Variants in TNR observed in about 807,000 individuals in gnomAD.
TNR encodes the protein tenascin-R.
Under a neutral mutation model 150.4 loss-of-function variants are expected in TNR, and 45 were observed. The observed-to-expected ratio is 0.30, with a 90% CI of 0.24 to 0.38. The LOEUF (loss-of-function observed/expected upper bound fraction) is 0.38, where lower values mean the gene tolerates loss of function less well. Ranked by LOEUF, TNR falls within the 10% of genes least tolerant of loss-of-function variation. TNR has a pLI of 1.00. For synonymous variants in TNR, 687 were observed against 678.4 expected, an observed-to-expected ratio of 1.01 and a Z score of -0.20; for missense variants, 1,544 against 1,759.1, an observed-to-expected ratio of 0.88 and a Z score of 2.19.
intron 1 of TNR, among the ~76,000 whole-genome samples, chr1:175,606,104 A>T (rs1231410285): frequency 6.6e-6 from 1 of 152,186 alleles, no homozygotes; most frequent in Non-Finnish European, 1.5e-5. Flanking sequence ...TTATTTTATG[A>T]CTTACAGGAC....
chr1:175,331,081 CTTTCTT>C (rs1649836260), intron 20 of TNR, among the ~76,000 whole-genome samples: 1 of 91,442 alleles, frequency 1.1e-5, no homozygotes, highest in Non-Finnish European at 2.4e-5. Context: ...TTCTTTCCTT[CTTTCTT>C]TCTTTCTTTC....
At chr1:175,323,735 G>T (rs1323255825) in intron 22 of TNR, among the ~76,000 whole-genome samples, 3 of 152,170 alleles carry the variant, frequency 2.0e-5, no homozygotes, top group African/African-American at 7.2e-5. Context: ...TTTGTTTTTG[G>T]CTTCCAGGAG....
In TNR at chr1:175,347,258, C is replaced by T. The variant is rs1394045508; in HGVS notation, c.3382+7133G>A. On this transcript the variant is annotated intron_variant, in intron 18 of 22. Coordinates refer to ENST00000367674, the MANE Select transcript of TNR (RefSeq NM_003285.3). ...AAAACCATTTGATAAAGTTTAACAA[C>T]AAAGCTTATTACAAAAACTCTTAAC... Among the ~76,000 whole-genome samples, 3 of 151,978 alleles carry T rather than the reference C, an allele frequency of 2.0e-5. No homozygotes were observed. In the East Asian group the frequency reaches 5.8e-4, roughly 29 times the overall value.
chr1:175,713,190 A>T (rs1409424237), intron 1 of TNR, among the ~76,000 whole-genome samples: 1 of 152,222 alleles, frequency 6.6e-6, no homozygotes, highest in East Asian at 1.9e-4. Flanking sequence ...AGATGCCATT[A>T]AGACTTGAGG....
chr1:175,627,660 C>T (rs1664195304), intron 1 of TNR, among the ~76,000 whole-genome samples: 1 of 152,160 alleles, frequency 6.6e-6, no homozygotes, highest in Non-Finnish European at 1.5e-5. Flanking sequence ...AATTATAGCT[C>T]TAATTGTAAT....
At chr1:175,739,622 G>A (rs1292545653) in intron 1 of TNR, among the ~76,000 whole-genome samples, 1 of 152,140 alleles carries the variant, frequency 6.6e-6, no homozygotes, top group Non-Finnish European at 1.5e-5. Flanking sequence ...ACAACCCAGG[G>A]ACGGAAGCAG....
intron 1 of TNR, among the ~76,000 whole-genome samples, chr1:175,737,198 G>A (rs778280875): frequency 3.3e-5 from 5 of 152,070 alleles, no homozygotes; most frequent in Non-Finnish European, 4.4e-5. Context: ...AAATGTGAGC[G>A]CTTTATAAAA....
At chr1:175,439,145 CA>C in intron 2 of TNR, among the ~76,000 whole-genome samples, 1 of 152,236 alleles carries the variant, frequency 6.6e-6, no homozygotes, top group East Asian at 1.9e-4. Context: ...CTACAGTAAC[CA>C]AAACAGCATG....
Position 175,656,264 on chromosome 1 carries a change from A to G in TNR, c.-165+86962T>C, listed in dbSNP as rs77078092. Among the ~76,000 whole-genome samples, 607 of 151,368 alleles carry G rather than the reference A, an allele frequency of 4.0e-3. 14 individuals carry two copies. In the East Asian group the frequency reaches 0.061, roughly 15 times the overall value. On this transcript the variant is annotated intron_variant, in intron 1 of 22. Transcript: ENST00000367674. ...CAATCTCTATGCCAGCCCTGTGCCAACCCTGAGGTGTTACACAAACCAGCA... is the reference window on the plus strand; with the variant it reads ...CAATCTCTATGCCAGCCCTGTGCCAGCCCTGAGGTGTTACACAAACCAGCA...
intron 2 of TNR, among the ~76,000 whole-genome samples, chr1:175,478,212 C>T (rs998743788): frequency 1.3e-5 from 2 of 152,184 alleles, no homozygotes; most frequent in African/African-American, 2.4e-5. Flanking sequence ...AATTTCTATA[C>T]ACAGTCCTAC....
At chr1:175,499,684 A>C (rs1658647231) in intron 2 of TNR, among the ~76,000 whole-genome samples, 1 of 152,190 alleles carries the variant, frequency 6.6e-6, no homozygotes, top group Admixed American at 6.5e-5. Context: ...TAGTTCATCA[A>C]AGTGCTCCCC....
rs544806339 is a variant in TNR at position 175,662,755 on chromosome 1, G to A, written c.-165+80471C>T. Among the ~76,000 whole-genome samples the A allele has an allele frequency of 7.2e-5, 11 of 152,304 alleles. 1 individual carries two copies. The highest frequency in any genetic ancestry group is 1.4e-4 in the African/African-American group (6 of 41,556). Reference sequence around the variant, plus strand: ...CCACAGTCTGGGTGTGGGGGGCAGCGTAGGAAGAAGAGGCCGAGAAGGCCT... The same window carrying A: ...CCACAGTCTGGGTGTGGGGGGCAGCATAGGAAGAAGAGGCCGAGAAGGCCT... On this transcript the variant is annotated intron_variant, in intron 1 of 22. Coordinates refer to ENST00000367674, the MANE Select transcript of TNR (RefSeq NM_003285.3).
chr1:175,401,831 G>A (rs1337258631), intron 4 of TNR, among the ~76,000 whole-genome samples: 1 of 152,112 alleles, frequency 6.6e-6, no homozygotes, highest in South Asian at 2.1e-4. Flanking sequence ...GGTTTAAAAT[G>A]TTTGTTTGTT....
At chr1:175,505,315 C>T (rs900214351) in intron 2 of TNR, among the ~76,000 whole-genome samples, 2 of 152,238 alleles carry the variant, frequency 1.3e-5, no homozygotes, top group South Asian at 2.1e-4. Context: ...CTTCCCCCGG[C>T]GAGGCAGGAG....
rs75795547 is a variant in TNR at position 175,551,640 on chromosome 1, G to C, written c.-164-23271C>G. 7.9e-3 allele frequency among the ~76,000 whole-genome samples: 1,208 copies of C among 152,176 alleles called. 7 individuals carry two copies. The highest frequency in any genetic ancestry group is 9.9e-3 in the Non-Finnish European group (672 of 68,006). On this transcript the variant is annotated intron_variant, in intron 1 of 22. Transcript: ENST00000367674. ...TTGTTTTCAATATGGTTTGTCAAAG[G>C]GTTTGCTAACAATTGTAATTAAGAA...
intron 2 of TNR, among the ~76,000 whole-genome samples, chr1:175,433,321 G>T (rs1382901176): frequency 6.6e-6 from 1 of 152,124 alleles, no homozygotes; most frequent in African/African-American, 2.4e-5. Context: ...TATTTCACAT[G>T]CTCCACTATC....
At chr1:175,581,112 C>A (rs974826297) in intron 1 of TNR, among the ~76,000 whole-genome samples, 1 of 152,214 alleles carries the variant, frequency 6.6e-6, no homozygotes, top group Non-Finnish European at 1.5e-5. Flanking sequence ...ATCCACAGAA[C>A]TTTCTGCATG....
chr1:175,356,419 A>T lies in TNR; in HGVS notation c.3018T>A (p.Phe1006Leu). 6.2e-7 allele frequency: 1 copy of T among 1,614,040 alleles called. No individual in the cohort carries two copies. The highest frequency in any genetic ancestry group is 1.1e-5 in the South Asian group (1 of 91,086). Residue 1006 changes from phenylalanine (F) to leucine (L), a missense_variant, in exon 16 of 23, where the codon TTT (phenylalanine) becomes TTA (leucine). By Grantham distance (22) the Phe-to-Leu change is conservative (BLOSUM62 0). This residue lies in a region of TNR where 1,254 missense variants were observed against 1,329.4 expected (regional missense o/e 0.94). Transcript: ENST00000367674. ...TILVDGVSEEFRLVDLLPSTH... is the reference protein window; with the variant it reads ...TILVDGVSEELRLVDLLPSTH... ...TGCTAGGAAGCAGGTCAACAAGCCG[A>T]AATTCCTCACTGACTCCGTCAACAA... is the stretch of plus-strand genomic sequence containing the variant.
intron 2 of TNR, among the ~76,000 whole-genome samples, chr1:175,487,110 A>T (rs1658049786): frequency 6.6e-6 from 1 of 152,178 alleles, no homozygotes; most frequent in Non-Finnish European, 1.5e-5. Context: ...TTTGCTGTGC[A>T]GAAGCTCTTT....
Sources: allele counts gnomAD v4.1 joint callset (sites outside exome capture counted in the v4.1 genomes callset), GRCh38; gene constraint gnomAD v4.1.1; regional missense constraint gnomAD v4.1.1; transcripts MANE v1.5; gene names NCBI Gene and HGNC (gene_info 2026-07-23, HGNC 2026-07-21).